Variants in KIAA1217 observed in about 807,000 individuals in gnomAD.
KIAA1217 encodes sickle tail protein homolog.
A neutral mutation model predicts 163.9 loss-of-function variants in KIAA1217; 88 were observed. That is an observed-to-expected ratio of 0.54 (90% CI 0.45 to 0.64). The LOEUF is 0.64. Among genes scored for constraint, KIAA1217 ranks in the 30% least tolerant of loss-of-function variants. The probability of loss-of-function intolerance (pLI) is 0.00; values close to 1 mark genes in which losing one functional copy is unlikely to be tolerated. For missense variants in KIAA1217, 2,372 were observed against 2,475.0 expected, an observed-to-expected ratio of 0.96 and a Z score of 0.88; for synonymous variants, 903 against 923.1, an observed-to-expected ratio of 0.98 and a Z score of 0.39.
chr10:24,406,392 AACACAC>A (rs34564889), intron 3 of KIAA1217, among the ~76,000 whole-genome samples: 4 of 133,806 alleles, frequency 3.0e-5, no homozygotes, highest in Admixed American at 7.3e-5. Context: ...TTCACACACA[AACACAC>A]ACACACACAC....
intron 1 of KIAA1217, among the ~76,000 whole-genome samples, chr10:23,796,208 T>C (rs1429171388): frequency 3.3e-5 from 5 of 152,204 alleles, no homozygotes. Context: ...AAAGCCAGGA[T>C]GTCTGGGTTC....
At chr10:24,112,038 C>T (rs1011115023) in intron 2 of KIAA1217, among the ~76,000 whole-genome samples, 7 of 152,106 alleles carry the variant, frequency 4.6e-5, no homozygotes, top group South Asian at 2.1e-4. Flanking sequence ...TGGGCTCACA[C>T]GATCCTCCTG....
At chr10:24,386,616 C>G (rs1397160870) in intron 3 of KIAA1217, among the ~76,000 whole-genome samples, 2 of 152,060 alleles carry the variant, frequency 1.3e-5, no homozygotes, top group Non-Finnish European at 2.9e-5. Flanking sequence ...CTCTGTTGCC[C>G]AGGCTGGAGT....
chr10:24,447,021 T>C (rs1379474299), intron 5 of KIAA1217, among the ~76,000 whole-genome samples: 1 of 152,064 alleles, frequency 6.6e-6, no homozygotes, highest in East Asian at 1.9e-4. Flanking sequence ...TCTGAAGACC[T>C]AACCCAGAAG....
In KIAA1217 at chr10:24,531,879, GC is replaced by G; in HGVS notation, c.3137del (p.Pro1046LeufsTer88). The G allele has an allele frequency of 6.2e-7, 1 of 1,607,300 alleles. No individual in the cohort carries two copies. Among genetic ancestry groups the G allele is most frequent in the Non-Finnish European group, 8.5e-7 (1 of 1,176,050 alleles). ...ACTTGGAAAAGCTGGGGGGAAAGTC[GC>G]CCCCTCCTCCTCCGCCACCTCCTCG... is the stretch of plus-strand genomic sequence containing the variant. ...QDLEKLGGKS[P>X]PPPPPPPRRS... On this transcript the variant is annotated frameshift_variant, in exon 15 of 21. Coordinates refer to ENST00000376454, the MANE Select transcript of KIAA1217 (RefSeq NM_019590.5). LOFTEE classifies it high-confidence loss of function.
At chr10:24,423,482 G>C (rs1219084579) in intron 3 of KIAA1217, among the ~76,000 whole-genome samples, 1 of 147,206 alleles carries the variant, frequency 6.8e-6, no homozygotes, top group African/African-American at 2.5e-5. Flanking sequence ...TTTTTTGAGA[G>C]GGAGTCTTGC....
At chr10:23,966,169 T>C (rs957825941) in intron 1 of KIAA1217, among the ~76,000 whole-genome samples, 2 of 152,150 alleles carry the variant, frequency 1.3e-5, no homozygotes, top group Non-Finnish European at 2.9e-5. Context: ...CTGGAGATTC[T>C]TAATTTTTGA....
At chr10:24,330,300 CAAA>C (rs397846537) in intron 2 of KIAA1217, among the ~76,000 whole-genome samples, 6 of 94,194 alleles carry the variant, frequency 6.4e-5, no homozygotes, top group Admixed American at 1.2e-4. Flanking sequence ...AACTCCATCT[CAAA>C]AAAAAAAAAA....
At chr10:24,012,206 C>T (rs1447337369) in intron 2 of KIAA1217, among the ~76,000 whole-genome samples, 2 of 152,074 alleles carry the variant, frequency 1.3e-5, no homozygotes, top group African/African-American at 4.8e-5. Context: ...TTTCAGGACT[C>T]AGCATCTCAA....
intron 5 of KIAA1217, among the ~76,000 whole-genome samples, chr10:24,447,039 C>T (rs974709604): frequency 6.6e-6 from 1 of 152,114 alleles, no homozygotes; most frequent in Non-Finnish European, 1.5e-5. Flanking sequence ...AAGCCACTCT[C>T]TTCATCAAGC....
intron 1 of KIAA1217, among the ~76,000 whole-genome samples, chr10:23,854,968 A>C (rs1472470173): frequency 6.6e-6 from 1 of 152,200 alleles, no homozygotes; most frequent in Non-Finnish European, 1.5e-5. Context: ...CTCTTTGTCC[A>C]ATTTGCCAGT....
intron 1 of KIAA1217, among the ~76,000 whole-genome samples, chr10:23,723,528 C>T (rs938138423): frequency 3.9e-5 from 6 of 152,122 alleles, no homozygotes; most frequent in Non-Finnish European, 7.4e-5. Context: ...CTTGGATCAC[C>T]ACTTTTTGCT....
At chr10:23,884,009 C>A (rs1261266259) in intron 1 of KIAA1217, among the ~76,000 whole-genome samples, 2 of 151,960 alleles carry the variant, frequency 1.3e-5, no homozygotes, top group East Asian at 3.9e-4. Context: ...CATTCGCCTA[C>A]TGAAAGGCAT....
chr10:24,315,354 T>C (rs1051492391), intron 2 of KIAA1217, among the ~76,000 whole-genome samples: 1 of 152,186 alleles, frequency 6.6e-6, no homozygotes, highest in Non-Finnish European at 1.5e-5. Flanking sequence ...GGAAACCCTC[T>C]AAGTACACTA....
chr10:24,527,425 C>T (rs959484925), intron 13 of KIAA1217, among the ~76,000 whole-genome samples: 3 of 147,474 alleles, frequency 2.0e-5, no homozygotes, highest in South Asian at 2.2e-4. Context: ...TCATGTCTCA[C>T]TCAGGGCAGA....
chr10:24,028,078 T>C (rs1006091255), intron 2 of KIAA1217, among the ~76,000 whole-genome samples: 17 of 152,160 alleles, frequency 1.1e-4, no homozygotes, highest in African/African-American at 4.1e-4. Flanking sequence ...TTGCTATTTT[T>C]ATTATCTAGC....
intron 1 of KIAA1217, among the ~76,000 whole-genome samples, chr10:23,976,620 G>A (rs1845553193): frequency 6.6e-6 from 1 of 152,194 alleles, no homozygotes; most frequent in South Asian, 2.1e-4. Flanking sequence ...GTACAGCAGA[G>A]AGTGGAGGAA....
chr10:24,245,878 T>G (rs1311344179), intron 2 of KIAA1217, among the ~76,000 whole-genome samples: 1 of 151,866 alleles, frequency 6.6e-6, no homozygotes, highest in South Asian at 2.1e-4. Context: ...GCTCAAACAA[T>G]CCTCCCACTT....
chr10:24,223,633 C>G (rs981676308), intron 2 of KIAA1217, among the ~76,000 whole-genome samples: 3 of 152,010 alleles, frequency 2.0e-5, no homozygotes, highest in African/African-American at 7.3e-5. Flanking sequence ...AAGAAGAGAG[C>G]CAATCAGCAA....
Sources: allele counts gnomAD v4.1 joint callset (sites outside exome capture counted in the v4.1 genomes callset), GRCh38; gene constraint gnomAD v4.1.1; transcripts MANE v1.5; gene names NCBI Gene and HGNC (gene_info 2026-07-23, HGNC 2026-07-21).